The following CPED1 variants were observed in gnomAD, a reference collection of about 807,000 sequenced individuals.
CPED1 encodes cadherin like and PC-esterase domain containing 1.
CPED1 carries 114 observed loss-of-function variants against 128.2 expected under a neutral mutation model. The observed-to-expected ratio is 0.89, with a 90% CI of 0.76 to 1.04. The LOEUF (loss-of-function observed/expected upper bound fraction) is 1.04, where lower values mean the gene tolerates loss of function less well. Ranked by LOEUF, CPED1 falls within the 50% of genes least tolerant of loss-of-function variation. The pLI, the probability that CPED1 is intolerant of heterozygous loss-of-function variation, is 0.00. For missense variants in CPED1, 1,211 were observed against 1,207.1 expected (o/e 1.00, Z -0.05); for synonymous variants, 462 against 426.7 (o/e 1.08, Z -1.02).
At chr7:121,212,338 C>T (rs1409647981) in intron 16 of CPED1, among the ~76,000 whole-genome samples, 1 of 151,954 alleles carries the variant, frequency 6.6e-6, no homozygotes, top group Non-Finnish European at 1.5e-5. Context: ...AATCAGGGTC[C>T]AGTAAGTCTA....
At chr7:121,163,100 A>G (rs1367447155) in intron 16 of CPED1, among the ~76,000 whole-genome samples, 3 of 152,206 alleles carry the variant, frequency 2.0e-5, no homozygotes, top group Non-Finnish European at 4.4e-5. Flanking sequence ...TCTAGGACTT[A>G]AAAGATGTCT....
At chr7:121,117,100 A>ATATATAAATATATATATATATATAT (rs1450957943) in intron 7 of CPED1, among the ~76,000 whole-genome samples, 1 of 70,648 alleles carries the variant, frequency 1.4e-5, no homozygotes, top group Non-Finnish European at 3.1e-5. Context: ...TATATATATA[A>ATATATAAATATATATATATATATAT]ATATATATAT....
intron 16 of CPED1, among the ~76,000 whole-genome samples, chr7:121,191,920 G>A (rs1294975360): frequency 6.6e-6 from 1 of 151,980 alleles, no homozygotes; most frequent in Non-Finnish European, 1.5e-5. Context: ...TTGATCTCTT[G>A]TCTAGGTGGC....
chr7:121,106,050 G>A (rs1010977123), intron 7 of CPED1, among the ~76,000 whole-genome samples: 3 of 152,102 alleles, frequency 2.0e-5, no homozygotes, highest in African/African-American at 7.2e-5. Context: ...CCTGGCGCAT[G>A]GCAGATGCTC....
chr7:121,153,185 G>A (rs893683234), intron 16 of CPED1, among the ~76,000 whole-genome samples: 20 of 152,184 alleles, frequency 1.3e-4, no homozygotes, highest in Admixed American at 6.5e-4. Context: ...CAGGAATGAG[G>A]CATAATCATA....
chr7:121,251,805 A>T (rs1182534000), intron 18 of CPED1, among the ~76,000 whole-genome samples: 1 of 145,350 alleles, frequency 6.9e-6, no homozygotes, highest in Non-Finnish European at 1.5e-5. Flanking sequence ...TGCTCAAGGA[A>T]ATAAAAGAGG....
Position 121,266,702 on chromosome 7 carries a change from T to G in CPED1, c.2532-5T>G. On this transcript the variant is annotated splice_polypyrimidine_tract_variant and splice_region_variant and intron_variant, in intron 19 of 22. Transcript: ENST00000310396. Reference sequence around the variant, plus strand: ...ACATGTGTTGTTTTTCTTTCTGAATTTCAGATCACGTCCCCTAGAGAATAC... The same window carrying G: ...ACATGTGTTGTTTTTCTTTCTGAATGTCAGATCACGTCCCCTAGAGAATAC... 6.2e-7 allele frequency: 1 copy of G among 1,610,380 alleles called. No homozygotes were observed. Among genetic ancestry groups the G allele is most frequent in the South Asian group, 1.1e-5 (1 of 90,842 alleles).
At chr7:121,220,930 A>G (rs1344818280) in intron 16 of CPED1, among the ~76,000 whole-genome samples, 1 of 151,974 alleles carries the variant, frequency 6.6e-6, no homozygotes, top group Non-Finnish European at 1.5e-5. Context: ...TGCTTTTAAT[A>G]ACTTTTCTTA....
At position 120,989,537 on chromosome 7, in the gene CPED1, G is replaced by A; in HGVS notation, c.-85G>A. 3.3e-6 allele frequency: 5 copies of A among 1,520,006 alleles called. No individual in the cohort carries two copies. Among genetic ancestry groups the A allele is most frequent in the Non-Finnish European group, 4.5e-6 (5 of 1,119,040 alleles). 94.2% of individuals were successfully genotyped at this position (1,520,006 alleles called of 1,614,324 possible). A position where few individuals can be genotyped will look rare whatever the true frequency, so the allele number is the denominator to read the frequency against. Reference sequence around the variant, plus strand: ...ATTGGAGTTGGGGAAAAAGAAGACAGATTAGTATTTTTCATGCTGACAAAA... The same window carrying A: ...ATTGGAGTTGGGGAAAAAGAAGACAAATTAGTATTTTTCATGCTGACAAAA... On this transcript the variant is annotated 5_prime_UTR_variant, in exon 2 of 23. Transcript: ENST00000310396.
intron 7 of CPED1, among the ~76,000 whole-genome samples, chr7:121,113,314 TG>T: frequency 6.6e-6 from 1 of 152,026 alleles, no homozygotes; most frequent in East Asian, 1.9e-4. Context: ...AACCCTCCAG[TG>T]GGGGAGAGTT....
chr7:121,034,335 C>T (rs1298709725), intron 3 of CPED1, among the ~76,000 whole-genome samples: 2 of 145,136 alleles, frequency 1.4e-5, no homozygotes, highest in African/African-American at 2.6e-5. Context: ...GCAACCTCTG[C>T]CTCCCAGGTT....
At chr7:120,999,822 C>T (rs1288911757) in intron 2 of CPED1, among the ~76,000 whole-genome samples, 1 of 152,092 alleles carries the variant, frequency 6.6e-6, no homozygotes, top group African/African-American at 2.4e-5. Flanking sequence ...ACTGAGAGAA[C>T]TTAAACAAAT....
At chr7:121,204,959 C>T (rs1187198636) in intron 16 of CPED1, among the ~76,000 whole-genome samples, 1 of 152,066 alleles carries the variant, frequency 6.6e-6, no homozygotes, top group African/African-American at 2.4e-5. Flanking sequence ...GTGCTGTAGG[C>T]CACCTCCATA....
chr7:121,243,917 A>T (rs1388844524), intron 17 of CPED1, among the ~76,000 whole-genome samples: 1 of 152,222 alleles, frequency 6.6e-6, no homozygotes, highest in Non-Finnish European at 1.5e-5. Flanking sequence ...CTGTTTAAAA[A>T]TAGGTAATGA....
intron 2 of CPED1, among the ~76,000 whole-genome samples, chr7:120,994,625 C>CTGTGTGTGTGTG (rs35288728): frequency 0.024 from 3,489 of 144,550 alleles, 81 homozygotes; most frequent in Middle Eastern, 0.076. Flanking sequence ...ATTTGTTATA[C>CTGTGTGTGTGTG]TGTGTGTGTG....
intron 17 of CPED1, 141 bp from the exon 18 acceptor site, chr7:121,244,061 C>G: frequency 1.0e-6 from 1 of 969,262 alleles, no homozygotes; most frequent in Non-Finnish European, 1.6e-6. Context: ...GAAGCCATGC[C>G]TTCATTATTC....
At chr7:121,156,487 T>A (rs1171941430) in intron 16 of CPED1, among the ~76,000 whole-genome samples, 1 of 152,184 alleles carries the variant, frequency 6.6e-6, no homozygotes, top group Non-Finnish European at 1.5e-5. Context: ...TTATACACAA[T>A]GGAATATTAT....
rs769218203 is a variant in CPED1 at position 121,236,694 on chromosome 7, T to TATC, written c.2056-19_2056-17dup. On this transcript the variant is annotated intron_variant, in intron 16 of 22. Coordinates refer to ENST00000310396, the MANE Select transcript of CPED1 (RefSeq NM_024913.5). ...TCAAGTTAATTAATACAACAACTAA[T>TATC]ATCTATTATTTTAATGCAGGATTGT... 3.6e-6 allele frequency: 5 copies of TATC among 1,404,078 alleles called. No individual in the cohort carries two copies. Among genetic ancestry groups the TATC allele is most frequent in the Non-Finnish European group, 4.9e-6 (5 of 1,018,500 alleles). The allele number at this position is 1,404,078 out of a possible 1,614,324, so 87.0% of individuals were successfully genotyped here.
At chr7:121,178,255 A>G (rs989062376) in intron 16 of CPED1, among the ~76,000 whole-genome samples, 11 of 152,112 alleles carry the variant, frequency 7.2e-5, no homozygotes, top group African/African-American at 2.4e-4. Context: ...AAAAGCATCT[A>G]AAAGTTGCCC....
Sources: allele counts gnomAD v4.1 joint callset (sites outside exome capture counted in the v4.1 genomes callset), GRCh38; gene constraint gnomAD v4.1.1; transcripts MANE v1.5; gene names NCBI Gene and HGNC (gene_info 2026-07-23, HGNC 2026-07-21).